The following NUCB2 variants were observed in gnomAD, a reference collection of about 807,000 sequenced individuals.
NUCB2 encodes the protein nucleobindin-2.
A neutral mutation model predicts 57.9 loss-of-function variants in NUCB2; 48 were observed. The ratio of observed to expected loss-of-function variants is 0.83; its 90% CI spans 0.66 to 1.05. NUCB2 has a LOEUF of 1.05. Among genes scored for constraint, NUCB2 ranks in the 50% least tolerant of loss-of-function variants. The probability of loss-of-function intolerance (pLI) is 0.00; values close to 1 mark genes in which losing one functional copy is unlikely to be tolerated. For missense variants in NUCB2, 442 were observed against 476.2 expected, an observed-to-expected ratio of 0.93 and a Z score of 0.67; for synonymous variants, 139 against 152.1, an observed-to-expected ratio of 0.91 and a Z score of 0.64.
At chr11:17,300,628 T>A (rs1946548751) in intron 4 of NUCB2, among the ~76,000 whole-genome samples, 1 of 152,232 alleles carries the variant, frequency 6.6e-6, no homozygotes. Flanking sequence ...GGCCAAACAA[T>A]ATGCCATTGT....
At chr11:17,320,566 A>G (rs1381398509) in intron 11 of NUCB2, among the ~76,000 whole-genome samples, 1 of 152,152 alleles carries the variant, frequency 6.6e-6, no homozygotes, top group East Asian at 1.9e-4. Context: ...CTGAGGCAGG[A>G]GAATCACTTG....
intron 2 of NUCB2, among the ~76,000 whole-genome samples, chr11:17,348,222 C>T (rs908218820): frequency 6.6e-6 from 1 of 151,876 alleles, no homozygotes; most frequent in Non-Finnish European, 1.5e-5. Flanking sequence ...GGGTGAGCCA[C>T]CATGCCTGGC....
intron 2 of NUCB2, among the ~76,000 whole-genome samples, chr11:17,284,753 CTGTT>C (rs1350087838): frequency 3.3e-5 from 5 of 152,210 alleles, no homozygotes; most frequent in East Asian, 1.9e-4. Context: ...CTGAGAATGT[CTGTT>C]TGGTGAATAC....
At position 17,295,677 on chromosome 11, in the gene NUCB2, C is replaced by T; in HGVS notation, c.144+210C>T. Reference sequence around the variant, plus strand: ...GAAAAGAGTATTGGCCAAGCATATGCTGTTTACCATTACACAATATTTATT... The same window carrying T: ...GAAAAGAGTATTGGCCAAGCATATGTTGTTTACCATTACACAATATTTATT... On this transcript the variant is annotated intron_variant, in intron 3 of 13. Transcript: ENST00000529010. The T allele has an allele frequency of 5.7e-6, 3 of 528,038 alleles. No individual in the cohort carries two copies. In the South Asian group the frequency reaches 7.1e-5, roughly 13 times the overall value. The allele number at this position is 528,038 out of a possible 1,614,324, so 32.7% of individuals were successfully genotyped here. A position where few individuals can be genotyped will look rare whatever the true frequency, so the allele number is the denominator to read the frequency against.
intron 5 of NUCB2, among the ~76,000 whole-genome samples, chr11:17,302,906 T>G (rs986731528): frequency 2.6e-5 from 4 of 152,012 alleles, no homozygotes; most frequent in Non-Finnish European, 5.9e-5. Context: ...ACCCAGCTAA[T>G]TTTTTGTATT....
chr11:17,324,183 TTATAAC>T (rs1253543741), intron 11 of NUCB2, among the ~76,000 whole-genome samples: 16 of 152,162 alleles, frequency 1.1e-4, no homozygotes, highest in Non-Finnish European at 2.2e-4. Flanking sequence ...ATATAGACAG[TTATAAC>T]TATAATTTTC....
rs1376526698 is a variant in NUCB2 at position 17,288,930 on chromosome 11, CACACACACACACACACACACAT to C, written c.-1+5989_-1+6010del. ...ACACACACACACACACACACACACACACACACACACACACACACACATATATATATATATTTTTTTTTTTTGA... is the reference window on the plus strand; with the variant it reads ...ACACACACACACACACACACACACACATATATATATATTTTTTTTTTTTGA... On this transcript the variant is annotated intron_variant, in intron 2 of 13. Transcript: ENST00000529010. Among the ~76,000 whole-genome samples, 40 of 88,576 alleles carry C rather than the reference CACACACACACACACACACACAT, an allele frequency of 4.5e-4. 2 individuals are homozygous for C. Among genetic ancestry groups the C allele is most frequent in the African/African-American group, 1.8e-3 (26 of 14,552 alleles). 58.1% of individuals were successfully genotyped at this position (88,576 alleles called of 152,430 possible). A position where few individuals can be genotyped will look rare whatever the true frequency, so the allele number is the denominator to read the frequency against.
intron 11 of NUCB2, among the ~76,000 whole-genome samples, chr11:17,322,214 T>G (rs542629297): frequency 2.0e-5 from 3 of 152,332 alleles, no homozygotes; most frequent in African/African-American, 7.2e-5. Flanking sequence ...TGTAGTAGTT[T>G]GATAGTTTGA....
chr11:17,279,333 G>A (rs1245096929), intron 1 of NUCB2, among the ~76,000 whole-genome samples: 1 of 152,106 alleles, frequency 6.6e-6, no homozygotes, highest in Non-Finnish European at 1.5e-5. Context: ...AGAATTTCAT[G>A]GCCAGATTCC....
At chr11:17,328,327 C>T (rs988458912) in intron 11 of NUCB2, among the ~76,000 whole-genome samples, 3 of 152,216 alleles carry the variant, frequency 2.0e-5, no homozygotes, top group Admixed American at 1.3e-4. Flanking sequence ...CGGAACTGTG[C>T]TGGGTCAAGC....
rs576694625 is a variant in NUCB2 at position 17,301,990 on chromosome 11, C to T, written c.379+120C>T. 11 of 753,852 alleles carry T rather than the reference C, an allele frequency of 1.5e-5. No homozygotes were observed. In the African/African-American group the frequency reaches 1.8e-4, roughly 12 times the overall value. The allele number at this position is 753,852 out of a possible 1,614,324, so 46.7% of individuals were successfully genotyped here. On this transcript the variant is annotated intron_variant, in intron 5 of 13. Transcript: ENST00000529010. ...TCACAGTTCACTACAGCCTTGACCA[C>T]CTGGGCTCAAGTGATCCTCCCATCT...
intron 11 of NUCB2, among the ~76,000 whole-genome samples, chr11:17,321,467 G>T (rs1950007653): frequency 6.6e-6 from 1 of 152,042 alleles, no homozygotes; most frequent in Non-Finnish European, 1.5e-5. Flanking sequence ...ACTCCATTGT[G>T]TATAAGTACC....
intron 2 of NUCB2, among the ~76,000 whole-genome samples, chr11:17,290,841 T>A (rs192384235): frequency 6.6e-5 from 10 of 152,286 alleles, no homozygotes; most frequent in African/African-American, 2.2e-4. Flanking sequence ...TCATGAATTG[T>A]ATTTTTAAAA....
intron 10 of NUCB2, among the ~76,000 whole-genome samples, chr11:17,312,780 C>T (rs996185897): frequency 2.4e-4 from 36 of 151,812 alleles, no homozygotes; most frequent in African/African-American, 8.2e-4. Flanking sequence ...GATCTTGGCT[C>T]GCTGCAACCT....
At chr11:17,318,024 G>C (rs1462934452) in intron 11 of NUCB2, among the ~76,000 whole-genome samples, 1 of 136,960 alleles carries the variant, frequency 7.3e-6, no homozygotes. Context: ...TAAAGACAGA[G>C]TCTCTCTCTG....
chr11:17,319,907 AGGCCCCAGT>A (rs1159293765), intron 11 of NUCB2, among the ~76,000 whole-genome samples: 1 of 152,042 alleles, frequency 6.6e-6, no homozygotes, highest in African/African-American at 2.4e-5. Context: ...ATCCTCCTAT[AGGCCCCAGT>A]GTGTGTTGTT....
At chr11:17,283,863 G>A (rs927957660) in intron 2 of NUCB2, among the ~76,000 whole-genome samples, 1 of 152,126 alleles carries the variant, frequency 6.6e-6, no homozygotes, top group Non-Finnish European at 1.5e-5. Context: ...TTTCACTATG[G>A]TCACATGAGG....
chr11:17,349,611 A>G (rs766535280), exon 3 of NUCB2: 4 of 152,208 alleles, frequency 2.6e-5, no homozygotes, highest in Non-Finnish European at 5.9e-5. Context: ...ACTTGGTCAT[A>G]TGGCCACATT....
chr11:17,338,544 G>A (rs1227937069), intron 2 of NUCB2, among the ~76,000 whole-genome samples: 1 of 152,046 alleles, frequency 6.6e-6, no homozygotes, highest in Non-Finnish European at 1.5e-5. Flanking sequence ...TTTATAATTA[G>A]TAATAAATAT....
Sources: gnomAD v4.1 joint callset for allele counts (sites outside exome capture counted in the v4.1 genomes callset) on GRCh38, gnomAD v4.1.1 for gene constraint, MANE v1.5 for transcripts, NCBI Gene and HGNC (gene_info 2026-07-23, HGNC 2026-07-21) for gene names.